CEP192: variants seen among roughly 807,000 people sequenced by gnomAD.
The protein encoded by CEP192 is centrosomal protein 192.
In CEP192, 151 loss-of-function variants were observed where a neutral mutation model predicts 271.8. The observed-to-expected ratio is 0.56, with a 90% CI of 0.49 to 0.64. The LOEUF is 0.64. CEP192 is among the 30% of genes least tolerant of loss of function. The pLI, the probability that CEP192 is intolerant of heterozygous loss-of-function variation, is 0.00. For missense variants in CEP192, 2,910 were observed against 3,020.5 expected (o/e 0.96, Z 0.86); for synonymous variants, 995 against 1,076.5 (o/e 0.92, Z 1.48).
chr18:13,014,151 T>G (rs2034513665), intron 5 of CEP192, among the ~76,000 whole-genome samples: 1 of 152,246 alleles, frequency 6.6e-6, no homozygotes, highest in South Asian at 2.1e-4. Context: ...GCACTCACCC[T>G]GTATGTGACC....
chr18:13,049,558 G>T lies in CEP192; in HGVS notation c.2767G>T (p.Asp923Tyr). 1 of 1,613,910 alleles carries T rather than the reference G, an allele frequency of 6.2e-7. No individual in the cohort carries two copies. Among genetic ancestry groups the T allele is most frequent in the South Asian group, 1.1e-5 (1 of 91,078 alleles). ...AATAACATCCCTTTGTCTGTTAAAA[G>T]ACTGTGAAGAAATACGAGATAACAG... Reference protein sequence around the residue: ...PRITSLCLLKDCEEIRDNREN... With the variant: ...PRITSLCLLKYCEEIRDNREN... Residue 923 changes from aspartate (D) to tyrosine (Y), a missense_variant, in exon 16 of 45, where the codon GAC (aspartate) becomes TAC (tyrosine). Transcript: ENST00000506447.
At chr18:13,092,981 C>T (rs1156889085) in intron 34 of CEP192, among the ~76,000 whole-genome samples, 3 of 151,892 alleles carry the variant, frequency 2.0e-5, no homozygotes, top group South Asian at 2.1e-4. Flanking sequence ...AGTGAAACCC[C>T]GTCTCTACTA....
intron 30 of CEP192, among the ~76,000 whole-genome samples, chr18:13,084,985 T>G (rs1445404844): frequency 1.3e-5 from 2 of 150,488 alleles, no homozygotes; most frequent in African/African-American, 4.9e-5. Context: ...CCAGCTAATT[T>G]TTTGGGTTTT....
chr18:13,103,999 A>C (rs531248898), intron 39 of CEP192: 1 of 376,192 alleles, frequency 2.7e-6, no homozygotes, highest in Admixed American at 3.2e-5. Context: ...CTTGCTGGTT[A>C]TTTGTTCCAC....
chr18:13,050,806 C>G (rs1188215910), intron 17 of CEP192, among the ~76,000 whole-genome samples: 1 of 152,156 alleles, frequency 6.6e-6, no homozygotes. Flanking sequence ...TTTTGAACTC[C>G]TGACCTCAGG....
At chr18:12,997,122 G>A (rs2033299518) in intron 1 of CEP192, among the ~76,000 whole-genome samples, 1 of 152,180 alleles carries the variant, frequency 6.6e-6, no homozygotes, top group Non-Finnish European at 1.5e-5. Flanking sequence ...CCGATTGGTA[G>A]AGTGGTTGTC....
At chr18:12,997,202 A>G (rs1389433184) in intron 1 of CEP192, among the ~76,000 whole-genome samples, 3 of 152,086 alleles carry the variant, frequency 2.0e-5, no homozygotes, top group Admixed American at 2.0e-4. Context: ...TGGACACTTC[A>G]TAAACTGTTG....
At chr18:13,064,010 G>A (rs1374425966) in intron 21 of CEP192, among the ~76,000 whole-genome samples, 1 of 151,316 alleles carries the variant, frequency 6.6e-6, no homozygotes, top group Non-Finnish European at 1.5e-5. Context: ...TAATAGAGAT[G>A]GGGTTTCACC....
chr18:13,116,054 T>G (rs2040413719), intron 42 of CEP192, among the ~76,000 whole-genome samples: 1 of 152,140 alleles, frequency 6.6e-6, no homozygotes, highest in South Asian at 2.1e-4. Flanking sequence ...CCTGTGATAG[T>G]GAAGTACAGT....
At chr18:13,063,557 T>C (rs566101193) in intron 21 of CEP192, among the ~76,000 whole-genome samples, 3 of 152,330 alleles carry the variant, frequency 2.0e-5, no homozygotes, top group East Asian at 3.9e-4. Context: ...CAGTTTTTGA[T>C]TGGATTATTA....
intron 2 of CEP192, among the ~76,000 whole-genome samples, chr18:13,000,091 C>CTTTTTTT (rs775544715): frequency 6.9e-4 from 53 of 76,740 alleles, no homozygotes; most frequent in East Asian, 1.1e-3. Flanking sequence ...TGTCTTCTCT[C>CTTTTTTT]TTTTTTTTTT....
At chr18:13,075,820 C>T (rs980032610) in intron 30 of CEP192, among the ~76,000 whole-genome samples, 3 of 152,106 alleles carry the variant, frequency 2.0e-5, no homozygotes, top group East Asian at 1.9e-4. Context: ...TGGCCGTGAT[C>T]GTGCATCTTA....
intron 30 of CEP192, among the ~76,000 whole-genome samples, chr18:13,083,313 T>A (rs1441473819): frequency 6.6e-6 from 1 of 152,196 alleles, no homozygotes; most frequent in Non-Finnish European, 1.5e-5. Flanking sequence ...GAGGCTTTGT[T>A]TCTTTTTACT....
chr18:13,087,958 A>T (rs569647283), intron 32 of CEP192, among the ~76,000 whole-genome samples: 1 of 152,340 alleles, frequency 6.6e-6, no homozygotes, highest in South Asian at 2.1e-4. Context: ...ACTCTTGATG[A>T]CATGTTAAGT....
intron 44 of CEP192, 66 bp from the exon 45 acceptor site, chr18:13,124,566 G>A: frequency 1.4e-6 from 2 of 1,477,188 alleles, no homozygotes; most frequent in Non-Finnish European, 1.8e-6. Context: ...CAGGCACTGT[G>A]CTGCCTGGGA....
chr18:13,088,843 T>C (rs1316432402), intron 32 of CEP192: 1 of 431,920 alleles, frequency 2.3e-6, no homozygotes, highest in Admixed American at 2.6e-5. Context: ...CCTTTGAACC[T>C]GGTTTTGTTT....
intron 19 of CEP192, among the ~76,000 whole-genome samples, chr18:13,057,125 C>T (rs1374942596): frequency 6.6e-6 from 1 of 152,118 alleles, no homozygotes; most frequent in Non-Finnish European, 1.5e-5. Flanking sequence ...ATGGTGCACA[C>T]GGCCACTGGG....
chr18:13,002,317 T>C (rs1453474657), intron 3 of CEP192, among the ~76,000 whole-genome samples: 4 of 151,706 alleles, frequency 2.6e-5, no homozygotes. Context: ...TAAGCTCTTA[T>C]TCTATTACAC....
Position 13,055,829 on chromosome 18 carries a change from C to G in CEP192, c.3239C>G (p.Ala1080Gly), listed in dbSNP as rs943191806. The part of the protein sequence containing the change: ...LSTTIIQGSP[A>G]ALEERAMEKL... ...ACCACAATTATTCAAGGCAGTCCAG[C>G]CGCATTGGAGGAACGGGCTATGGAA... Residue 1080 changes from alanine to glycine, a missense_variant, in exon 19 of 45, where the codon GCC becomes GGC. By Grantham distance (60) the Ala-to-Gly change is moderately conservative. Coordinates refer to ENST00000506447, the MANE Select transcript of CEP192 (RefSeq NM_032142.4). The G allele has an allele frequency of 6.2e-7, 1 of 1,606,974 alleles. No individual in the cohort carries two copies. The highest frequency in any genetic ancestry group is 1.3e-5 in the African/African-American group (1 of 74,472).
Sources: gnomAD v4.1 joint callset for allele counts (sites outside exome capture counted in the v4.1 genomes callset) on GRCh38, gnomAD v4.1.1 for gene constraint, MANE v1.5 for transcripts, NCBI Gene and HGNC (gene_info 2026-07-23, HGNC 2026-07-21) for gene names.